The following MB21D2 variants were observed in gnomAD, a reference collection of about 807,000 sequenced individuals.
MB21D2 encodes the protein nucleotidyltransferase MB21D2.
In MB21D2, 9 loss-of-function variants were observed where a neutral mutation model predicts 33.3. That is an observed-to-expected ratio of 0.27 (90% CI 0.16 to 0.47). The LOEUF (loss-of-function observed/expected upper bound fraction) is 0.47, where lower values mean the gene tolerates loss of function less well. Ranked by LOEUF, MB21D2 falls within the 20% of genes least tolerant of loss-of-function variation. MB21D2 has a pLI of 0.99. For missense variants in MB21D2, 540 were observed against 624.6 expected (o/e 0.86, Z 1.44); for synonymous variants, 241 against 236.3 (o/e 1.02, Z -0.18).
At chr3:192,837,371 T>G (rs1712463364) in intron 1 of MB21D2, among the ~76,000 whole-genome samples, 3 of 152,138 alleles carry the variant, frequency 2.0e-5, no homozygotes, top group Admixed American at 2.0e-4. Context: ...TGTCTCCGTC[T>G]CGGCTCCTGG....
chr3:192,875,607 T>C (rs1713412699), intron 1 of MB21D2, among the ~76,000 whole-genome samples: 1 of 152,184 alleles, frequency 6.6e-6, no homozygotes, highest in South Asian at 2.1e-4. Context: ...GAAATGGAAA[T>C]GTAGCAAATA....
chr3:192,810,915 G>GT (rs1711776141), intron 1 of MB21D2, among the ~76,000 whole-genome samples: 1 of 152,112 alleles, frequency 6.6e-6, no homozygotes, highest in Non-Finnish European at 1.5e-5. Context: ...GCACATGTGC[G>GT]TATGACTTTG....
At chr3:192,807,503 C>G (rs1406642968) in intron 1 of MB21D2, among the ~76,000 whole-genome samples, 2 of 152,122 alleles carry the variant, frequency 1.3e-5, no homozygotes, top group African/African-American at 4.8e-5. Context: ...CCATCACTGA[C>G]CCTTTGCCCA....
intron 1 of MB21D2, among the ~76,000 whole-genome samples, chr3:192,822,910 G>A (rs369154045): frequency 2.0e-5 from 3 of 152,148 alleles, no homozygotes; most frequent in Non-Finnish European, 2.9e-5. Flanking sequence ...GTATTACCAC[G>A]CAGAGGTGAT....
At chr3:192,916,432 G>A (rs1329944613) in intron 1 of MB21D2, among the ~76,000 whole-genome samples, 3 of 152,156 alleles carry the variant, frequency 2.0e-5, no homozygotes, top group African/African-American at 7.2e-5. Flanking sequence ...GAAAAGCCCT[G>A]TCTTAGTCTG....
intron 1 of MB21D2, among the ~76,000 whole-genome samples, chr3:192,884,583 G>T (rs1048949671): frequency 2.0e-5 from 3 of 151,966 alleles, no homozygotes; most frequent in African/African-American, 7.3e-5. Flanking sequence ...TAGCCAGGAT[G>T]GTCTTGATCT....
Position 192,867,363 on chromosome 3 carries a change from T to C in MB21D2, c.211+50267A>G, listed in dbSNP as rs74287965. On this transcript the variant is annotated intron_variant, in intron 1 of 1. Coordinates refer to ENST00000392452, the MANE Select transcript of MB21D2 (RefSeq NM_178496.4). Reference sequence around the variant, plus strand: ...TGATACAAAGCAGCTCCCTCAAAACTGACAAGCACCATTCTGTCAGTATCT... The same window carrying C: ...TGATACAAAGCAGCTCCCTCAAAACCGACAAGCACCATTCTGTCAGTATCT... Among the ~76,000 whole-genome samples, 67 of 152,148 alleles carry C rather than the reference T, an allele frequency of 4.4e-4. 1 individual carries two copies. The East Asian group carries it at 0.012, about 26-fold the overall frequency.
intron 1 of MB21D2, among the ~76,000 whole-genome samples, chr3:192,803,793 T>C (rs1230291556): frequency 6.6e-6 from 1 of 152,164 alleles, no homozygotes; most frequent in Non-Finnish European, 1.5e-5. Context: ...TTCTGTGTAA[T>C]TACTGGAGGA....
intron 1 of MB21D2, among the ~76,000 whole-genome samples, chr3:192,847,087 C>A (rs571550255): frequency 6.6e-6 from 1 of 152,276 alleles, no homozygotes; most frequent in South Asian, 2.1e-4. Context: ...ATCCCTGAGA[C>A]TTCATGGTCT....
intron 1 of MB21D2, among the ~76,000 whole-genome samples, chr3:192,829,495 C>T (rs1458859356): frequency 2.6e-5 from 4 of 152,190 alleles, no homozygotes; most frequent in African/African-American, 9.7e-5. Context: ...TCCTACCAGC[C>T]ATGTATGGAC....
chr3:192,854,268 G>C (rs1712871470), intron 1 of MB21D2, among the ~76,000 whole-genome samples: 1 of 152,190 alleles, frequency 6.6e-6, no homozygotes, highest in Non-Finnish European at 1.5e-5. Context: ...GTGAACACAT[G>C]AATGATAGGA....
intron 1 of MB21D2, among the ~76,000 whole-genome samples, chr3:192,803,595 T>G (rs192577786): frequency 6.6e-6 from 1 of 152,190 alleles, no homozygotes; most frequent in Admixed American, 6.5e-5. Context: ...AATGTCTTCC[T>G]TGAAAACTTT....
At chr3:192,889,234 CTCTATTAAGATGGTTTT>C (rs1486141998) in intron 1 of MB21D2, among the ~76,000 whole-genome samples, 2 of 152,168 alleles carry the variant, frequency 1.3e-5, no homozygotes, top group Admixed American at 1.3e-4. Flanking sequence ...AAGATGGTTT[CTCTATTAAGATGGTTTT>C]GGGGCTGGAC....
intron 1 of MB21D2, among the ~76,000 whole-genome samples, chr3:192,872,158 T>C (rs915782870): frequency 2.6e-5 from 4 of 152,146 alleles, no homozygotes; most frequent in African/African-American, 9.7e-5. Flanking sequence ...ACCCCACCTG[T>C]TTCTAAAAAG....
chr3:192,828,619 T>TTTTG (rs1712238969), intron 1 of MB21D2, among the ~76,000 whole-genome samples: 1 of 16,356 alleles, frequency 6.1e-5, no homozygotes, highest in Non-Finnish European at 9.8e-5. Flanking sequence ...TATATATATA[T>TTTTG]ATATATATAT....
intron 1 of MB21D2, among the ~76,000 whole-genome samples, chr3:192,870,442 G>A (rs1272884645): frequency 6.6e-6 from 1 of 152,112 alleles, no homozygotes; most frequent in African/African-American, 2.4e-5. Flanking sequence ...TGTAATCCCA[G>A]CACTTTGGGA....
intron 1 of MB21D2, among the ~76,000 whole-genome samples, chr3:192,821,143 C>T (rs1278799241): frequency 6.6e-6 from 1 of 152,162 alleles, no homozygotes; most frequent in Non-Finnish European, 1.5e-5. Flanking sequence ...CACTATCCAC[C>T]ACCACCTGGG....
intron 1 of MB21D2, among the ~76,000 whole-genome samples, chr3:192,849,535 C>G (rs922184248): frequency 6.6e-6 from 1 of 152,182 alleles, no homozygotes; most frequent in African/African-American, 2.4e-5. Flanking sequence ...TCAGGCTGGT[C>G]TTGAACTCCT....
At chr3:192,871,144 G>C (rs141334398) in intron 1 of MB21D2, among the ~76,000 whole-genome samples, 1 of 152,148 alleles carries the variant, frequency 6.6e-6, no homozygotes, top group Non-Finnish European at 1.5e-5. Context: ...GCATATTCAC[G>C]AAGGCACGGA....
Sources: gnomAD v4.1 joint callset for allele counts (sites outside exome capture counted in the v4.1 genomes callset) on GRCh38, gnomAD v4.1.1 for gene constraint, MANE v1.5 for transcripts, NCBI Gene and HGNC (gene_info 2026-07-23, HGNC 2026-07-21) for gene names.